Variants in WDFY2 observed in about 807,000 individuals in gnomAD.
WDFY2 encodes the protein WD repeat and FYVE domain containing 2.
Under a neutral mutation model 56.4 loss-of-function variants are expected in WDFY2, and 36 were observed. The ratio of observed to expected loss-of-function variants is 0.64; its 90% confidence interval spans 0.49 to 0.84. The LOEUF (loss-of-function observed/expected upper bound fraction) is 0.84. Among genes scored for constraint, WDFY2 ranks in the 40% least tolerant of loss-of-function variants. The pLI is 0.00. For missense variants in WDFY2, 444 were observed against 512.2 expected, an observed-to-expected ratio of 0.87 and a Z score of 1.29; for synonymous variants, 176 against 183.7, an observed-to-expected ratio of 0.96 and a Z score of 0.34.
chr13:51,648,700 C>G (rs1295122174), intron 1 of WDFY2, among the ~76,000 whole-genome samples: 3 of 152,128 alleles, frequency 2.0e-5, no homozygotes. Context: ...AACAAACCTG[C>G]ACGTTCTGCA....
chr13:51,680,341 A>T (rs1275062984), intron 3 of WDFY2, among the ~76,000 whole-genome samples: 1 of 152,038 alleles, frequency 6.6e-6, no homozygotes, highest in Non-Finnish European at 1.5e-5. Flanking sequence ...GGCTCACGGG[A>T]TCCTCCCACC....
Position 51,764,002 on chromosome 13 carries a change from G to T in WDFY2, c.*4233G>T, listed in dbSNP as rs1478190426. On this transcript the variant is annotated 3_prime_UTR_variant, in exon 12 of 12. Coordinates refer to ENST00000298125, the MANE Select transcript of WDFY2 (RefSeq NM_052950.4). ...CTTGTTCACTAAGATATTTCGAAGT[G>T]AGAGAAAGCATTTTACCAATACATT... is the stretch of plus-strand genomic sequence containing the variant. 1.3e-5 allele frequency: 2 copies of T among 152,198 alleles called. No individual in the cohort carries two copies. Among genetic ancestry groups the T allele is most frequent in the Non-Finnish European group, 2.9e-5 (2 of 68,044 alleles). 9.4% of individuals were successfully genotyped at this position (152,198 alleles called of 1,614,324 possible). A position where few individuals can be genotyped will look rare whatever the true frequency, so the allele number is the denominator to read the frequency against.
chr13:51,758,350 T>A, intron 11 of WDFY2, 50 bp downstream of exon 11: 2 of 1,379,094 alleles, frequency 1.5e-6, no homozygotes, highest in Non-Finnish European at 2.0e-6. Context: ...CTCATATAAA[T>A]ATACAGGAGC....
At chr13:51,646,605 T>C (rs936156170) in intron 1 of WDFY2, among the ~76,000 whole-genome samples, 4 of 152,180 alleles carry the variant, frequency 2.6e-5, no homozygotes, top group Admixed American at 1.3e-4. Context: ...TAGTAGGTGT[T>C]TGATAAATGT....
rs144685933 is a variant in WDFY2 at position 51,675,301 on chromosome 13, A to G, written c.279+58A>G. ...ATACTTCCCTTCCTGTGGAGTATGT[A>G]TATGTATTTATTAGTTTTTTCAAGT... On this transcript the variant is annotated intron_variant, in intron 3 of 11. Transcript: ENST00000298125. The G allele has an allele frequency of 2.2e-4, 319 of 1,444,302 alleles. 2 individuals carry two copies. The East Asian group carries it at 5.7e-3, about 26-fold the overall frequency. 89.5% of individuals were successfully genotyped at this position (1,444,302 alleles called of 1,614,324 possible). A position where few individuals can be genotyped will look rare whatever the true frequency, so the allele number is the denominator to read the frequency against.
chr13:51,665,461 A>G (rs1955683610), intron 2 of WDFY2, among the ~76,000 whole-genome samples: 1 of 152,250 alleles, frequency 6.6e-6, no homozygotes, highest in Non-Finnish European at 1.5e-5. Flanking sequence ...ATCACACTAT[A>G]GAGAAAAATC....
intron 7 of WDFY2, among the ~76,000 whole-genome samples, chr13:51,750,298 A>G (rs1006567704): frequency 4.6e-5 from 7 of 152,312 alleles, no homozygotes; most frequent in African/African-American, 1.2e-4. Context: ...TCGTAATCCA[A>G]TTTATTGACA....
At chr13:51,755,310 G>A in intron 8 of WDFY2, 48 bp from the exon 9 acceptor site, 1 of 1,583,482 alleles carries the variant, frequency 6.3e-7, no homozygotes, top group Non-Finnish European at 8.7e-7. Context: ...GGTTTCCATT[G>A]TCCTGACTGC....
At chr13:51,694,537 C>G (rs1377737124) in intron 3 of WDFY2, among the ~76,000 whole-genome samples, 4 of 152,192 alleles carry the variant, frequency 2.6e-5, no homozygotes, top group African/African-American at 9.6e-5. Context: ...CTTATAGTTT[C>G]TGCCCAGAGA....
intron 4 of WDFY2, among the ~76,000 whole-genome samples, chr13:51,715,219 G>A (rs1237073149): frequency 1.3e-5 from 2 of 152,032 alleles, no homozygotes; most frequent in Admixed American, 6.5e-5. Flanking sequence ...TAAACCTAGT[G>A]TACTCTATTT....
chr13:51,593,923 A>G (rs1954097786), intron 1 of WDFY2: 1 of 152,190 alleles, frequency 6.6e-6, no homozygotes, highest in Non-Finnish European at 1.5e-5. Flanking sequence ...AAAATGAGAG[A>G]CAGGGTCTCA....
At chr13:51,702,091 C>A (rs1951997109) in intron 3 of WDFY2, among the ~76,000 whole-genome samples, 1 of 152,232 alleles carries the variant, frequency 6.6e-6, no homozygotes. Flanking sequence ...GTGGGCGGAT[C>A]ACCTGAGGTC....
At chr13:51,695,982 G>C (rs768377406) in intron 3 of WDFY2, among the ~76,000 whole-genome samples, 5 of 152,230 alleles carry the variant, frequency 3.3e-5, no homozygotes, top group Admixed American at 6.5e-5. Context: ...CTCCGAGCCA[G>C]GTGCGGGATA....
chr13:51,607,866 G>T (rs974920679), intron 1 of WDFY2, among the ~76,000 whole-genome samples: 3 of 152,152 alleles, frequency 2.0e-5, no homozygotes, highest in African/African-American at 7.2e-5. Flanking sequence ...TTAAGTTAAG[G>T]ATCTTGAATG....
At chr13:51,711,939 G>T (rs961955956) in intron 4 of WDFY2, among the ~76,000 whole-genome samples, 1 of 152,174 alleles carries the variant, frequency 6.6e-6, no homozygotes, top group Non-Finnish European at 1.5e-5. Context: ...TACATTACTG[G>T]TTATATACCC....
chr13:51,626,720 A>G (rs1954840966), intron 1 of WDFY2, among the ~76,000 whole-genome samples: 1 of 152,248 alleles, frequency 6.6e-6, no homozygotes, highest in Non-Finnish European at 1.5e-5. Flanking sequence ...TCACATTACT[A>G]GAGACAACCA....
At chr13:51,618,660 C>T (rs1465075547) in intron 1 of WDFY2, among the ~76,000 whole-genome samples, 1 of 152,162 alleles carries the variant, frequency 6.6e-6, no homozygotes, top group Non-Finnish European at 1.5e-5. Flanking sequence ...GTGAGCCTAC[C>T]TCTTCCTGTC....
intron 3 of WDFY2, among the ~76,000 whole-genome samples, chr13:51,678,938 T>C (rs1454459773): frequency 6.6e-6 from 1 of 151,920 alleles, no homozygotes; most frequent in Non-Finnish European, 1.5e-5. Flanking sequence ...CTGGCTAGGA[T>C]TGGATTAGCT....
At chr13:51,743,729 T>C (rs1013258638) in intron 7 of WDFY2, among the ~76,000 whole-genome samples, 12 of 152,188 alleles carry the variant, frequency 7.9e-5, no homozygotes, top group African/African-American at 2.9e-4. Context: ...GGAGACGTGC[T>C]AGAAGTATGA....
Sources: gnomAD v4.1 joint callset for allele counts (sites outside exome capture counted in the v4.1 genomes callset) on GRCh38, gnomAD v4.1.1 for gene constraint, MANE v1.5 for transcripts, NCBI Gene and HGNC (gene_info 2026-07-23, HGNC 2026-07-21) for gene names.